LRMDA: variants seen among roughly 807,000 people sequenced by gnomAD.
The protein encoded by LRMDA is leucine-rich melanocyte differentiation-associated protein.
LRMDA carries 18 observed loss-of-function variants against 29.8 expected under a neutral mutation model. That is an observed-to-expected ratio of 0.60 (90% confidence interval 0.42 to 0.90). LRMDA has a LOEUF of 0.90. Ranked by LOEUF, LRMDA falls within the 40% of genes least tolerant of loss-of-function variation. LRMDA has a pLI of 0.00. For synonymous variants in LRMDA, 125 were observed against 109.4 expected, an observed-to-expected ratio of 1.14 and a Z score of -0.89; for missense variants, 273 against 273.9, an observed-to-expected ratio of 1.00 and a Z score of 0.02.
At chr10:75,810,006 T>G (rs181617243) in intron 2 of LRMDA, among the ~76,000 whole-genome samples, 16 of 152,268 alleles carry the variant, frequency 1.1e-4, no homozygotes, top group Non-Finnish European at 1.5e-4. Flanking sequence ...TGCATTCTCA[T>G]GAAGCGGGCC....
At chr10:75,564,303 C>T (rs1220478731) in intron 2 of LRMDA, among the ~76,000 whole-genome samples, 1 of 152,194 alleles carries the variant, frequency 6.6e-6, no homozygotes, top group African/African-American at 2.4e-5. Context: ...TGCTGGCAAT[C>T]ATCGAGACTC....
chr10:76,395,986 A>C (rs1841778952), intron 6 of LRMDA, among the ~76,000 whole-genome samples: 1 of 152,236 alleles, frequency 6.6e-6, no homozygotes, highest in South Asian at 2.1e-4. Flanking sequence ...TGATACAAAA[A>C]GTTCCTTGTG....
At chr10:76,152,190 C>T (rs1024518188) in intron 5 of LRMDA, among the ~76,000 whole-genome samples, 15 of 152,206 alleles carry the variant, frequency 9.9e-5, no homozygotes, top group Non-Finnish European at 1.8e-4. Flanking sequence ...CCTCTTCCTT[C>T]AGCCCCTGAT....
intron 6 of LRMDA, among the ~76,000 whole-genome samples, chr10:76,483,211 G>A (rs1039410930): frequency 2.6e-5 from 4 of 151,874 alleles, no homozygotes; most frequent in Non-Finnish European, 4.4e-5. Flanking sequence ...TAATTTTAAT[G>A]TAGCACAATT....
At chr10:75,603,009 C>A (rs184210325) in intron 2 of LRMDA, among the ~76,000 whole-genome samples, 1 of 152,086 alleles carries the variant, frequency 6.6e-6, no homozygotes, top group Non-Finnish European at 1.5e-5. Flanking sequence ...AGAACCTGTC[C>A]GCCCTGCTAT....
intron 2 of LRMDA, among the ~76,000 whole-genome samples, chr10:75,715,585 C>G (rs1842489884): frequency 6.6e-6 from 1 of 152,024 alleles, no homozygotes; most frequent in African/African-American, 2.4e-5. Context: ...TCTTCTGAAA[C>G]ATGGTATTTA....
At chr10:75,476,992 T>C (rs1306396430) in intron 2 of LRMDA, among the ~76,000 whole-genome samples, 6 of 151,028 alleles carry the variant, frequency 4.0e-5, no homozygotes, top group Non-Finnish European at 8.9e-5. Context: ...CTTTTCTCTC[T>C]CTCTTTTTTT....
chr10:76,147,735 C>T lies in LRMDA; in HGVS notation c.516+88952C>T, dbSNP rs555513214. ...TTGTTCCGTTGCTGGTGAGGAGCTG[C>T]GTTCCTTCGGAGGAGGAGAGGCACT... On this transcript the variant is annotated intron_variant, in intron 5 of 6. Coordinates refer to ENST00000611255, the MANE Select transcript of LRMDA (RefSeq NM_001305581.2). 3.7e-3 allele frequency among the ~76,000 whole-genome samples: 565 copies of T among 152,294 alleles called. 1 individual carries two copies. The highest frequency in any genetic ancestry group is 0.012 in the African/African-American group (501 of 41,550).
At chr10:76,102,829 A>AT (rs1430328925) in intron 5 of LRMDA, among the ~76,000 whole-genome samples, 3 of 151,968 alleles carry the variant, frequency 2.0e-5, no homozygotes, top group African/African-American at 4.8e-5. Flanking sequence ...TTTTTTAAAA[A>AT]TTTTTTGTAG....
intron 6 of LRMDA, among the ~76,000 whole-genome samples, chr10:76,475,118 A>G (rs769986207): frequency 3.3e-5 from 5 of 151,786 alleles, no homozygotes; most frequent in Non-Finnish European, 7.4e-5. Flanking sequence ...CAATGAACAT[A>G]TATAGCTTAA....
At chr10:76,492,051 T>G (rs1842838725) in intron 6 of LRMDA, among the ~76,000 whole-genome samples, 1 of 152,078 alleles carries the variant, frequency 6.6e-6, no homozygotes, top group Non-Finnish European at 1.5e-5. Context: ...TTAAAGTACT[T>G]GAATCTCTTT....
intron 2 of LRMDA, among the ~76,000 whole-genome samples, chr10:75,803,131 A>G (rs934215040): frequency 1.3e-5 from 2 of 152,050 alleles, no homozygotes; most frequent in African/African-American, 4.8e-5. Flanking sequence ...AGTTTAGTGC[A>G]GTGATTGAGA....
chr10:76,044,524 C>T (rs1848396921), intron 3 of LRMDA, among the ~76,000 whole-genome samples: 1 of 151,254 alleles, frequency 6.6e-6, no homozygotes, highest in Non-Finnish European at 1.5e-5. Context: ...CTGAACTTAC[C>T]CTGGAATTGT....
intron 5 of LRMDA, among the ~76,000 whole-genome samples, chr10:76,064,921 T>C (rs1404273428): frequency 6.6e-6 from 1 of 152,226 alleles, no homozygotes; most frequent in Admixed American, 6.5e-5. Flanking sequence ...CTCATGTTTT[T>C]ATGATTTTTT....
intron 5 of LRMDA, among the ~76,000 whole-genome samples, chr10:76,320,905 T>A (rs1840762992): frequency 6.6e-6 from 1 of 152,312 alleles, no homozygotes; most frequent in East Asian, 1.9e-4. Context: ...ATACATGAAA[T>A]CAACAAATTT....
At chr10:75,581,400 A>T (rs1163157251) in intron 2 of LRMDA, among the ~76,000 whole-genome samples, 2 of 152,236 alleles carry the variant, frequency 1.3e-5, no homozygotes, top group African/African-American at 4.8e-5. Context: ...GGTGATCATT[A>T]AAAAGTCAGG....
chr10:76,376,909 G>A (rs183779929), intron 6 of LRMDA, among the ~76,000 whole-genome samples: 8 of 77,324 alleles, frequency 1.0e-4, no homozygotes, highest in Admixed American at 6.8e-4. Flanking sequence ...TTTTTGAGAC[G>A]TAGTCTCGCT....
At chr10:75,721,693 A>G (rs1014714764) in intron 2 of LRMDA, among the ~76,000 whole-genome samples, 2 of 152,228 alleles carry the variant, frequency 1.3e-5, no homozygotes, top group Admixed American at 6.5e-5. Flanking sequence ...GTGACATATC[A>G]TGTTGTATTC....
chr10:76,157,111 A>G (rs1850551908), intron 5 of LRMDA, among the ~76,000 whole-genome samples: 1 of 152,160 alleles, frequency 6.6e-6, no homozygotes, highest in Non-Finnish European at 1.5e-5. Context: ...CTAGGTTGAA[A>G]GGGGAGTTAG....
Sources: allele counts gnomAD v4.1 joint callset (sites outside exome capture counted in the v4.1 genomes callset), GRCh38; gene constraint gnomAD v4.1.1; transcripts MANE v1.5; gene names NCBI Gene and HGNC (gene_info 2026-07-23, HGNC 2026-07-21).